CDK19: variants seen among roughly 807,000 people sequenced by gnomAD.
CDK19 encodes the protein cyclin dependent kinase 19.
In CDK19, 20 loss-of-function variants were observed where a neutral mutation model predicts 68.3. The ratio of observed to expected loss-of-function variants is 0.29; its 90% CI spans 0.21 to 0.43. CDK19 has a LOEUF of 0.43. Among genes scored for constraint, CDK19 ranks in the 20% least tolerant of loss-of-function variants. The probability of loss-of-function intolerance (pLI) is 1.00; values close to 1 mark genes in which losing one functional copy is unlikely to be tolerated. For synonymous variants in CDK19, 221 were observed against 222.8 expected, an observed-to-expected ratio of 0.99 and a Z score of 0.07; for missense variants, 339 against 623.5, an observed-to-expected ratio of 0.54 and a Z score of 4.86.
At chr6:110,655,371 A>T (rs1430240418) in intron 4 of CDK19, among the ~76,000 whole-genome samples, 2 of 151,982 alleles carry the variant, frequency 1.3e-5, no homozygotes, top group African/African-American at 4.8e-5. Flanking sequence ...ATCTCAAAAA[A>T]AAAAAAATAA....
chr6:110,705,527 T>C (rs1562215805), intron 2 of CDK19, among the ~76,000 whole-genome samples: 1 of 152,054 alleles, frequency 6.6e-6, no homozygotes, highest in African/African-American at 2.4e-5. Context: ...GGGAAGGGCA[T>C]TCAGGAGAGA....
At chr6:110,784,086 G>A (rs186501168) in intron 1 of CDK19, among the ~76,000 whole-genome samples, 27 of 149,418 alleles carry the variant, frequency 1.8e-4, no homozygotes, top group African/African-American at 6.7e-4. Flanking sequence ...TTGAGCTGGG[G>A]AGGCAGAGGC....
chr6:110,702,830 T>C (rs918638867), intron 2 of CDK19, among the ~76,000 whole-genome samples: 3 of 152,220 alleles, frequency 2.0e-5, no homozygotes, highest in Non-Finnish European at 4.4e-5. Flanking sequence ...AAGCCATTTT[T>C]ACTAGCTACT....
chr6:110,772,217 G>A (rs929754643), intron 1 of CDK19, among the ~76,000 whole-genome samples: 3 of 152,066 alleles, frequency 2.0e-5, no homozygotes, highest in Non-Finnish European at 4.4e-5. Context: ...AGTTCCACAC[G>A]GCTGGGGAGG....
At position 110,814,847 on chromosome 6, in the gene CDK19, C is replaced by A. The variant is rs770052115; in HGVS notation, c.128+162G>T. On this transcript the variant is annotated intron_variant, in intron 1 of 12. Coordinates refer to ENST00000368911, the MANE Select transcript of CDK19 (RefSeq NM_015076.5). ...GACGGGGCCGCGCGGGGGAGGCGGG[C>A]GGAACGGGCGCCCCTCGGAGTCGGT... is the stretch of plus-strand genomic sequence containing the variant. 566 of 899,482 alleles carry A rather than the reference C, an allele frequency of 6.3e-4. 2 individuals are homozygous for A. Among genetic ancestry groups the A allele is most frequent in the Admixed American group, 9.6e-4 (44 of 45,666 alleles). 55.7% of individuals were successfully genotyped at this position (899,482 alleles called of 1,614,324 possible). A position where few individuals can be genotyped will look rare whatever the true frequency, so the allele number is the denominator to read the frequency against.
intron 6 of CDK19, among the ~76,000 whole-genome samples, chr6:110,631,150 A>G (rs1779412189): frequency 6.6e-6 from 1 of 152,270 alleles, no homozygotes; most frequent in African/African-American, 2.4e-5. Context: ...AAGCAGCTAA[A>G]GGTAGCCAAA....
chr6:110,702,526 C>G (rs1460847908), intron 2 of CDK19, among the ~76,000 whole-genome samples: 1 of 151,990 alleles, frequency 6.6e-6, no homozygotes, highest in Non-Finnish European at 1.5e-5. Context: ...ACTTGAGAGG[C>G]TAAAATGGGA....
At chr6:110,659,865 G>A (rs545583449) in intron 4 of CDK19, among the ~76,000 whole-genome samples, 22 of 152,196 alleles carry the variant, frequency 1.4e-4, no homozygotes, top group Middle Eastern at 6.8e-3. Context: ...CAGAACCGCC[G>A]CTAGATCTTA....
chr6:110,715,250 C>A (rs1487251917), intron 2 of CDK19, among the ~76,000 whole-genome samples: 1 of 152,066 alleles, frequency 6.6e-6, no homozygotes, highest in Non-Finnish European at 1.5e-5. Flanking sequence ...GCTCATGATA[C>A]CTAACATACC....
At chr6:110,708,584 T>C (rs184314541) in intron 2 of CDK19, among the ~76,000 whole-genome samples, 8 of 152,328 alleles carry the variant, frequency 5.3e-5, no homozygotes, top group Admixed American at 1.3e-4. Flanking sequence ...TCTAAGCAAG[T>C]TTCCCTCAAG....
chr6:110,768,638 C>G (rs1779757094), intron 1 of CDK19, among the ~76,000 whole-genome samples: 1 of 152,026 alleles, frequency 6.6e-6, no homozygotes, highest in Non-Finnish European at 1.5e-5. Flanking sequence ...CCTGAAAAAG[C>G]TACATACTCA....
chr6:110,718,923 T>C (rs761016381), intron 2 of CDK19, among the ~76,000 whole-genome samples: 3 of 151,896 alleles, frequency 2.0e-5, no homozygotes, highest in Admixed American at 1.3e-4. Flanking sequence ...GCTAAAATAA[T>C]AGAAAGAAAT....
At chr6:110,738,806 T>C (rs768125349) in intron 2 of CDK19, among the ~76,000 whole-genome samples, 1 of 151,878 alleles carries the variant, frequency 6.6e-6, no homozygotes, top group Non-Finnish European at 1.5e-5. Flanking sequence ...GTTCCAAGGA[T>C]TCCACTGAAG....
intron 4 of CDK19, chr6:110,646,379 C>T (rs1780577719): frequency 6.8e-7 from 1 of 1,471,610 alleles, no homozygotes; most frequent in East Asian, 2.5e-5. Context: ...ACAGCGCCAA[C>T]GACTTCTGCC....
intron 3 of CDK19, 71 bp downstream of exon 3, chr6:110,670,360 T>A: frequency 2.6e-6 from 2 of 754,986 alleles, no homozygotes; most frequent in South Asian, 3.5e-5. Context: ...GCATTAACAA[T>A]ATGTATTTTA....
intron 4 of CDK19, among the ~76,000 whole-genome samples, chr6:110,650,500 A>G (rs1318994093): frequency 1.3e-5 from 2 of 152,242 alleles, no homozygotes; most frequent in Non-Finnish European, 2.9e-5. Flanking sequence ...ATCATATAAT[A>G]ACAAAGACAA....
At chr6:110,734,815 A>G (rs1289219372) in intron 2 of CDK19, among the ~76,000 whole-genome samples, 1 of 152,126 alleles carries the variant, frequency 6.6e-6, no homozygotes, top group Non-Finnish European at 1.5e-5. Context: ...CTTGAGGGAA[A>G]GGGAAAAACT....
chr6:110,664,552 AGT>A (rs1781804740), intron 4 of CDK19, among the ~76,000 whole-genome samples: 1 of 152,230 alleles, frequency 6.6e-6, no homozygotes, highest in African/African-American at 2.4e-5. Flanking sequence ...CATTAAGGAT[AGT>A]GTATTCAAAT....
chr6:110,814,904 T>G, intron 1 of CDK19, 105 bp downstream of exon 1: 1 of 1,485,744 alleles, frequency 6.7e-7, no homozygotes, highest in Non-Finnish European at 9.2e-7. Flanking sequence ...CCCCTCCGCC[T>G]CGCCCCTCGG....
Sources: allele counts gnomAD v4.1 joint callset (sites outside exome capture counted in the v4.1 genomes callset), GRCh38; gene constraint gnomAD v4.1.1; transcripts MANE v1.5; gene names NCBI Gene and HGNC (gene_info 2026-07-23, HGNC 2026-07-21).